TMC1: variants seen among roughly 807,000 people sequenced by gnomAD.
The protein encoded by TMC1 is transmembrane channel like 1.
Under a neutral mutation model 105.8 loss-of-function variants are expected in TMC1, and 84 were observed. The ratio of observed to expected loss-of-function variants is 0.79; its 90% CI spans 0.67 to 0.95. The LOEUF is 0.95. Ranked by LOEUF, TMC1 falls within the 40% of genes least tolerant of loss-of-function variation. TMC1 has a pLI of 0.00. For synonymous variants in TMC1, 315 were observed against 311.5 expected (o/e 1.01, Z -0.12); for missense variants, 817 against 914.1 (o/e 0.89, Z 1.37).
intron 5 of TMC1, among the ~76,000 whole-genome samples, chr9:72,658,231 T>C (rs1164924107): frequency 6.7e-6 from 1 of 149,634 alleles, no homozygotes; most frequent in Non-Finnish European, 1.5e-5. Context: ...AGGACCACAG[T>C]AAAAAAAAAT....
rs1449838605 is a variant in TMC1, at chr9:72,601,390, T to A, written c.-305-14978T>A. On this transcript the variant is annotated intron_variant, in intron 2 of 23. Coordinates refer to ENST00000297784, the MANE Select transcript of TMC1 (RefSeq NM_138691.3). ...CAGGTGCGGTGGCTCATGCCTATAG[T>A]CCCAGCACTTTGGGAGGCTGAGGCA... Among the ~76,000 whole-genome samples the A allele has an allele frequency of 6.4e-4, 97 of 152,040 alleles. 2 individuals are homozygous for A. The highest frequency in any genetic ancestry group is 6.4e-3 in the Admixed American group (97 of 15,254).
At chr9:72,643,564 TTGTC>T (rs1825661447) in intron 4 of TMC1, among the ~76,000 whole-genome samples, 1 of 152,220 alleles carries the variant, frequency 6.6e-6, no homozygotes, top group African/African-American at 2.4e-5. Context: ...GCTCTTTTTT[TTGTC>T]TGGCTTCTTT....
intron 8 of TMC1, among the ~76,000 whole-genome samples, chr9:72,702,671 G>T (rs139581011): frequency 6.6e-6 from 1 of 152,068 alleles, no homozygotes; most frequent in African/African-American, 2.4e-5. Context: ...CAGAAGCCTT[G>T]TGGGATGGTG....
chr9:72,764,099 A>G (rs1827795277), intron 12 of TMC1, among the ~76,000 whole-genome samples: 1 of 152,256 alleles, frequency 6.6e-6, no homozygotes, highest in South Asian at 2.1e-4. Flanking sequence ...GCACCAAATC[A>G]TAAATCTAAT....
chr9:72,801,693 G>A (rs923810208), intron 17 of TMC1, among the ~76,000 whole-genome samples: 2 of 152,210 alleles, frequency 1.3e-5, no homozygotes, highest in African/African-American at 4.8e-5. Context: ...TTTTAGGTGT[G>A]GAGTGTGGGG....
chr9:72,572,987 G>A (rs1230704052), intron 1 of TMC1, among the ~76,000 whole-genome samples: 2 of 152,024 alleles, frequency 1.3e-5, no homozygotes, highest in Non-Finnish European at 1.5e-5. Context: ...GTGAGACTCT[G>A]TCTCAAAAAT....
At chr9:72,621,849 T>C (rs1156320705) in intron 3 of TMC1, among the ~76,000 whole-genome samples, 1 of 152,190 alleles carries the variant, frequency 6.6e-6, no homozygotes, top group Non-Finnish European at 1.5e-5. Context: ...ATATAAATAG[T>C]TTGTCTTGTT....
intron 4 of TMC1, among the ~76,000 whole-genome samples, chr9:72,634,934 A>C (rs1401339356): frequency 6.6e-6 from 1 of 152,196 alleles, no homozygotes; most frequent in Non-Finnish European, 1.5e-5. Flanking sequence ...CAGCACCTCC[A>C]TGTGTTCAGC....
chr9:72,537,210 C>T (rs1823600287), intron 1 of TMC1, among the ~76,000 whole-genome samples: 2 of 152,256 alleles, frequency 1.3e-5, no homozygotes, highest in South Asian at 4.2e-4. Flanking sequence ...ATTATTTTGT[C>T]CTCCTAGGCC....
chr9:72,632,244 T>G (rs1223417872), intron 4 of TMC1, among the ~76,000 whole-genome samples: 1 of 152,042 alleles, frequency 6.6e-6, no homozygotes, highest in Admixed American at 6.6e-5. Flanking sequence ...TAACCAGATC[T>G]TATGTGAACT....
Position 72,623,505 on chromosome 9 carries a change from C to T in TMC1, c.-195-4416C>T, listed in dbSNP as rs142877318. ...TTAATGTGTTTCTTGGTAGAAATGT[C>T]ACTCTACTCCAAGAAATAAGATCTT... On this transcript the variant is annotated intron_variant, in intron 3 of 23. Coordinates refer to ENST00000297784, the MANE Select transcript of TMC1 (RefSeq NM_138691.3). Among the ~76,000 whole-genome samples, 358 of 152,224 alleles carry T rather than the reference C, an allele frequency of 2.4e-3. 2 individuals carry two copies. Among genetic ancestry groups the T allele is most frequent in the African/African-American group, 8.5e-3 (351 of 41,530 alleles).
intron 1 of TMC1, among the ~76,000 whole-genome samples, chr9:72,546,484 G>A (rs776724765): frequency 1.1e-4 from 16 of 152,042 alleles, no homozygotes; most frequent in Non-Finnish European, 1.9e-4. Flanking sequence ...GTTTTCTTCC[G>A]GTAACGTCAG....
Position 72,754,855 on chromosome 9 carries a change from G to A in TMC1, c.712G>A (p.Ala238Thr). Residue 238 changes from alanine to threonine, a missense_variant, in exon 12 of 24, where the codon GCA becomes ACA. Coordinates refer to ENST00000297784, the MANE Select transcript of TMC1 (RefSeq NM_138691.3). ...TVPRAEEASAANFGVLYDFNG... is the reference protein window; with the variant it reads ...TVPRAEEASATNFGVLYDFNG... ...TCCCAGAGCCGAAGAGGCATCGGCAGCAAACTTTGGTGTGTTGTACGACTT... is the reference window on the plus strand; with the variant it reads ...TCCCAGAGCCGAAGAGGCATCGGCAACAAACTTTGGTGTGTTGTACGACTT... The A allele has an allele frequency of 6.2e-7, 1 of 1,614,060 alleles. No individual in the cohort carries two copies. The highest frequency in any genetic ancestry group is 8.5e-7 in the Non-Finnish European group (1 of 1,179,922).
At chr9:72,739,618 T>C (rs1354323345) in intron 8 of TMC1, among the ~76,000 whole-genome samples, 6 of 152,200 alleles carry the variant, frequency 3.9e-5, no homozygotes, top group Non-Finnish European at 1.5e-5. Context: ...CTTTACAGAA[T>C]GATTTTTCTG....
At position 72,614,866 on chromosome 9, in the gene TMC1, G is replaced by A. The variant is rs189587734; in HGVS notation, c.-305-1502G>A. On this transcript the variant is annotated intron_variant, in intron 2 of 23. Transcript: ENST00000297784. The stretch of plus-strand genomic sequence containing the variant: ...GGCTAATTTTTTGTATTTTAGTAGA[G>A]ACAGGGTTTCATCATGTTGCTCAGG... 2.0e-4 allele frequency among the ~76,000 whole-genome samples: 31 copies of A among 152,178 alleles called. No homozygotes were observed. The East Asian group carries it at 5.6e-3, about 28-fold the overall frequency.
intron 4 of TMC1, among the ~76,000 whole-genome samples, chr9:72,645,635 C>T (rs921347815): frequency 1.3e-5 from 2 of 152,310 alleles, no homozygotes; most frequent in African/African-American, 4.8e-5. Flanking sequence ...GGCAAAGCCT[C>T]ACCACAGAGT....
intron 1 of TMC1, among the ~76,000 whole-genome samples, chr9:72,543,525 G>A (rs1823711847): frequency 6.6e-6 from 1 of 152,188 alleles, no homozygotes. Context: ...GCTCACGCCT[G>A]TAATCCCAGC....
intron 5 of TMC1, among the ~76,000 whole-genome samples, chr9:72,650,895 T>TATATATAA (rs1825800085): frequency 2.1e-5 from 3 of 141,636 alleles, no homozygotes; most frequent in African/African-American, 7.8e-5. Flanking sequence ...TATATAGATA[T>TATATATAA]ATATATAAAT....
At chr9:72,529,663 C>T in intron 1 of TMC1, among the ~76,000 whole-genome samples, 2 of 149,396 alleles carry the variant, frequency 1.3e-5, no homozygotes, top group Non-Finnish European at 1.5e-5. Flanking sequence ...TTTCTTGTTT[C>T]TCTGTTTTTT....
Sources: gnomAD v4.1 joint callset for allele counts (sites outside exome capture counted in the v4.1 genomes callset) on GRCh38, gnomAD v4.1.1 for gene constraint, MANE v1.5 for transcripts, NCBI Gene and HGNC (gene_info 2026-07-23, HGNC 2026-07-21) for gene names.